Variants in TPH2 observed in about 807,000 individuals in gnomAD.
The protein encoded by TPH2 is tryptophan hydroxylase 2.
A neutral mutation model predicts 59.1 loss-of-function variants in TPH2; 27 were observed. That is an observed-to-expected ratio of 0.46 (90% CI 0.34 to 0.63). TPH2 has a LOEUF of 0.63. TPH2 is among the 30% of genes least tolerant of loss of function. The pLI is 0.01. For missense variants in TPH2, 523 were observed against 588.3 expected (o/e 0.89, Z 1.15); for synonymous variants, 220 against 210.5 (o/e 1.05, Z -0.39).
chr12:71,949,602 T>G lies in TPH2; in HGVS notation c.555T>G (p.Asn185Lys), dbSNP rs756840935. 1.2e-6 allele frequency: 2 copies of G among 1,613,172 alleles called. No individual in the cohort carries two copies. Among genetic ancestry groups the G allele is most frequent in the Admixed American group, 1.7e-5 (1 of 60,022 alleles). The change falls in exon 5 of 11, where the codon AAT becomes AAG. Residue 185 changes from asparagine (N) to lysine (K), a missense_variant. Physicochemically the swap from Asn to Lys is moderately conservative, Grantham distance 94. Transcript: ENST00000333850. ...TTGTGTTTAAGGGATTTAAGGACAATGTCTATCGACAGAGAAGAAAGTATT... is the reference window on the plus strand; with the variant it reads ...TTGTGTTTAAGGGATTTAAGGACAAGGTCTATCGACAGAGAAGAAAGTATT... ...LDADHPGFKD[N>K]VYRQRRKYFV... is the part of the protein sequence containing the mutation.
At chr12:72,025,465 C>T (rs1182108572) in intron 9 of TPH2, among the ~76,000 whole-genome samples, 17 of 152,108 alleles carry the variant, frequency 1.1e-4, no homozygotes, top group African/African-American at 1.7e-4. Flanking sequence ...CAAGTACTTC[C>T]GAGTGGTATA....
intron 7 of TPH2, among the ~76,000 whole-genome samples, chr12:71,983,828 G>A (rs1382379674): frequency 6.6e-6 from 1 of 151,648 alleles, no homozygotes; most frequent in African/African-American, 2.4e-5. Flanking sequence ...CACAAACCCT[G>A]GCAACTAGCA....
At chr12:71,996,480 C>G (rs992109219) in intron 8 of TPH2, among the ~76,000 whole-genome samples, 1 of 152,226 alleles carries the variant, frequency 6.6e-6, no homozygotes, top group African/African-American at 2.4e-5. Flanking sequence ...AACCTTGGTT[C>G]TGGTTTTAAA....
chr12:72,014,167 C>T (rs1471681168), intron 8 of TPH2, among the ~76,000 whole-genome samples: 2 of 151,954 alleles, frequency 1.3e-5, no homozygotes, highest in African/African-American at 4.8e-5. Flanking sequence ...ACATGAGTGG[C>T]TTGTGATTAC....
chr12:71,972,523 C>A lies in TPH2; in HGVS notation c.613C>A (p.Gln205Lys). The change falls in exon 6 of 11, where the codon CAG becomes AAG. Residue 205 changes from glutamine to lysine, a missense_variant. By Grantham distance (53) the Gln-to-Lys change is moderately conservative. Coordinates refer to ENST00000333850, the MANE Select transcript of TPH2 (RefSeq NM_173353.4). Reference sequence around the variant, plus strand: ...AGTTTCTTCTCTCCTGCCTAGTGGTCAGCCCATTCCCAGGGTGGAGTATAC... The same window carrying A: ...AGTTTCTTCTCTCCTGCCTAGTGGTAAGCCCATTCCCAGGGTGGAGTATAC... ...VDVAMGYKYG[Q>K]PIPRVEYTEE... 6.2e-7 allele frequency: 1 copy of A among 1,614,122 alleles called. No individual in the cohort carries two copies. Among genetic ancestry groups the A allele is most frequent in the South Asian group, 1.1e-5 (1 of 91,062 alleles).
At chr12:71,961,366 G>A (rs1228920473) in intron 5 of TPH2, among the ~76,000 whole-genome samples, 1 of 152,224 alleles carries the variant, frequency 6.6e-6, no homozygotes, top group Non-Finnish European at 1.5e-5. Flanking sequence ...AAATGGGTGG[G>A]TGAATAAATG....
chr12:71,976,308 G>T lies in TPH2; in HGVS notation c.806-2644G>T, dbSNP rs867411929. 2.0e-4 allele frequency among the ~76,000 whole-genome samples: 31 copies of T among 152,292 alleles called. No individual in the cohort carries two copies. In the South Asian group the frequency reaches 5.2e-3, roughly 25 times the overall value. On this transcript the variant is annotated intron_variant, in intron 6 of 10. Transcript: ENST00000333850. ...TTGTTATTGTTTTCCACAACCCTTG[G>T]TGAACTGGATATATCGCCTAGTTTG...
intron 5 of TPH2, 116 bp downstream of exon 5, chr12:71,949,771 T>C: frequency 3.6e-6 from 3 of 830,758 alleles, no homozygotes; most frequent in Non-Finnish European, 6.2e-6. Context: ...TGTGAACCAT[T>C]TTAAACACTC....
At chr12:71,974,840 C>T (rs1872072825) in intron 6 of TPH2, among the ~76,000 whole-genome samples, 2 of 152,174 alleles carry the variant, frequency 1.3e-5, no homozygotes, top group Admixed American at 1.3e-4. Context: ...TCCCTTAACT[C>T]TCCTGCCCAC....
At chr12:72,022,885 T>A (rs1168852216) in intron 9 of TPH2, among the ~76,000 whole-genome samples, 1 of 152,226 alleles carries the variant, frequency 6.6e-6, no homozygotes, top group Non-Finnish European at 1.5e-5. Flanking sequence ...CCTCCCTGGC[T>A]CCTTTGGACT....
At chr12:71,965,710 A>T (rs1374009603) in intron 5 of TPH2, among the ~76,000 whole-genome samples, 1 of 152,246 alleles carries the variant, frequency 6.6e-6, no homozygotes, top group Non-Finnish European at 1.5e-5. Context: ...GCTGGATATT[A>T]GACCTTTGTC....
chr12:72,031,590 T>C lies in TPH2; in HGVS notation c.1368T>C (p.Ile456=). The part of the protein sequence containing the change: ...YFNPYTQSIE[I]LKDTRSIENV... The stretch of plus-strand genomic sequence containing the variant: ...ATCCCTACACACAGAGTATTGAAAT[T>C]CTGAAAGACACCAGAAGTATTGAAA... Residue 456 remains isoleucine (I), a synonymous_variant, in exon 11 of 11, where the codon ATT becomes ATC. Transcript: ENST00000333850. The C allele has an allele frequency of 6.2e-7, 1 of 1,613,622 alleles. No homozygotes were observed. The highest frequency in any genetic ancestry group is 8.5e-7 in the Non-Finnish European group (1 of 1,179,650).
intron 7 of TPH2, among the ~76,000 whole-genome samples, chr12:71,984,270 C>T (rs1184965633): frequency 6.6e-6 from 1 of 151,998 alleles, no homozygotes; most frequent in Non-Finnish European, 1.5e-5. Context: ...CTTATAATTG[C>T]CGCTGTTTAA....
At chr12:72,014,053 G>T (rs749875103) in intron 8 of TPH2, among the ~76,000 whole-genome samples, 13 of 152,264 alleles carry the variant, frequency 8.5e-5, no homozygotes, top group Admixed American at 4.6e-4. Context: ...GTCGTGAAAG[G>T]CATTTGGACC....
chr12:72,014,092 G>A (rs1336370204), intron 8 of TPH2, among the ~76,000 whole-genome samples: 1 of 152,144 alleles, frequency 6.6e-6, no homozygotes, highest in African/African-American at 2.4e-5. Flanking sequence ...TATGATGACT[G>A]CCTCCCAAAT....
intron 5 of TPH2, among the ~76,000 whole-genome samples, chr12:71,952,695 A>G (rs368549760): frequency 2.6e-5 from 4 of 152,172 alleles, no homozygotes; most frequent in South Asian, 4.1e-4. Flanking sequence ...TTGGACTCCA[A>G]TAGTCTGGGC....
At chr12:72,017,607 G>A (rs1873295790) in intron 8 of TPH2, among the ~76,000 whole-genome samples, 1 of 152,088 alleles carries the variant, frequency 6.6e-6, no homozygotes, top group South Asian at 2.1e-4. Context: ...AGACATTAGT[G>A]GCCAAGAATC....
chr12:71,942,313 C>T (rs990362860), intron 2 of TPH2, among the ~76,000 whole-genome samples: 1 of 152,128 alleles, frequency 6.6e-6, no homozygotes, highest in African/African-American at 2.4e-5. Context: ...GTAGTTTGAA[C>T]CCTCAAGAAA....
chr12:71,944,334 C>G lies in TPH2; in HGVS notation c.296C>G (p.Ser99Cys). 6.2e-7 allele frequency: 1 copy of G among 1,613,846 alleles called. No individual in the cohort carries two copies. The change falls in exon 3 of 11, where the codon TCT becomes TGT. Residue 99 changes from serine (S) to cysteine (C), a missense_variant. Ser to Cys is a moderately radical substitution (Grantham distance 112). Coordinates refer to ENST00000333850, the MANE Select transcript of TPH2 (RefSeq NM_173353.4). Reference sequence around the variant, plus strand: ...ATGGTTCATATTGAATCCAGGAAATCTCGGCGAAGAAGTTCTGAGGTTGAA... The same window carrying G: ...ATGGTTCATATTGAATCCAGGAAATGTCGGCGAAGAAGTTCTGAGGTTGAA... Reference protein sequence around the residue: ...VNMVHIESRKSRRRSSEVEIF... With the variant: ...VNMVHIESRKCRRRSSEVEIF...
Sources: gnomAD v4.1 joint callset for allele counts (sites outside exome capture counted in the v4.1 genomes callset) on GRCh38, gnomAD v4.1.1 for gene constraint, MANE v1.5 for transcripts, NCBI Gene and HGNC (gene_info 2026-07-23, HGNC 2026-07-21) for gene names.